Variants in RAB2A observed in about 807,000 individuals in gnomAD.
The protein encoded by RAB2A is RAB2A, member RAS oncogene family.
Under a neutral mutation model 32.5 loss-of-function variants are expected in RAB2A, and 7 were observed. That is an observed-to-expected ratio of 0.22 (90% CI 0.12 to 0.40). RAB2A has a LOEUF of 0.40. RAB2A is among the 10% of genes least tolerant of loss of function. The pLI is 1.00. For synonymous variants in RAB2A, 79 were observed against 85.2 expected (o/e 0.93, Z 0.40); for missense variants, 108 against 260.7 (o/e 0.41, Z 4.03).
intron 1 of RAB2A, among the ~76,000 whole-genome samples, chr8:60,520,580 T>C (rs1304429802): frequency 6.6e-6 from 1 of 152,242 alleles, no homozygotes; most frequent in Non-Finnish European, 1.5e-5. Context: ...CTTCTTGTTC[T>C]TCCCTATCAA....
In RAB2A at chr8:60,612,301, T is replaced by C. The variant is rs112336035; in HGVS notation, c.475-6279T>C. Among the ~76,000 whole-genome samples, 818 of 152,368 alleles carry C rather than the reference T, an allele frequency of 5.4e-3. 1 individual carries two copies. Among genetic ancestry groups the C allele is most frequent in the Admixed American group, 9.0e-3 (138 of 15,308 alleles). On this transcript the variant is annotated intron_variant, in intron 6 of 7. Coordinates refer to ENST00000262646, the MANE Select transcript of RAB2A (RefSeq NM_002865.3). ...CCTTTCTAATCAAATAGTTCTAGTT[T>C]CTTCCCCTCTTCAGTTTCCTGCTAA...
At chr8:60,591,817 C>T (rs778169475) in intron 5 of RAB2A, 41 bp from the exon 6 acceptor site, 1 of 1,269,204 alleles carries the variant, frequency 7.9e-7, no homozygotes, top group East Asian at 2.3e-5. Context: ...CTGTTTGTAC[C>T]ATGTTGATTA....
At chr8:60,598,431 C>CAATACAA (rs1804068024) in intron 6 of RAB2A, among the ~76,000 whole-genome samples, 1 of 151,732 alleles carries the variant, frequency 6.6e-6, no homozygotes, top group African/African-American at 2.4e-5. Flanking sequence ...AAACCAAAGA[C>CAATACAA]AATACAAAAA....
intron 6 of RAB2A, among the ~76,000 whole-genome samples, chr8:60,593,306 C>G (rs1803971218): frequency 6.6e-6 from 1 of 152,104 alleles, no homozygotes; most frequent in African/African-American, 2.4e-5. Flanking sequence ...GACCTTGGTG[C>G]CAGAGGAATG....
intron 1 of RAB2A, among the ~76,000 whole-genome samples, chr8:60,538,024 C>T (rs144677858): frequency 3.2e-4 from 48 of 152,240 alleles, no homozygotes; most frequent in African/African-American, 9.1e-4. Context: ...ACATTCTAGC[C>T]GTTTTCCACT....
In RAB2A at chr8:60,621,864, G is replaced by A. The variant is rs1157948730; in HGVS notation, c.*1095G>A. ...AGGGGATATGACAATAAATCTATCA[G>A]ATGGAAAATCCTGTTACAAAGTAGA... On this transcript the variant is annotated 3_prime_UTR_variant, in exon 8 of 8. Transcript: ENST00000262646. 6.6e-6 allele frequency: 1 copy of A among 152,154 alleles called. No homozygotes were observed. Among genetic ancestry groups the A allele is most frequent in the Non-Finnish European group, 1.5e-5 (1 of 68,020 alleles). The allele number at this position is 152,154 out of a possible 1,614,324, so 9.4% of individuals were successfully genotyped here.
At chr8:60,578,503 A>C (rs925245010) in intron 3 of RAB2A, among the ~76,000 whole-genome samples, 2 of 152,224 alleles carry the variant, frequency 1.3e-5, no homozygotes, top group African/African-American at 4.8e-5. Flanking sequence ...AAGCAGAGGC[A>C]CAAAAGCAGG....
intron 1 of RAB2A, among the ~76,000 whole-genome samples, chr8:60,517,483 C>T (rs978282504): frequency 1.3e-5 from 2 of 152,176 alleles, no homozygotes; most frequent in Non-Finnish European, 2.9e-5. Flanking sequence ...CAGCTGAGGG[C>T]CGTGGCAGCC....
chr8:60,619,741 A>G (rs1804500516), intron 7 of RAB2A, among the ~76,000 whole-genome samples: 1 of 152,228 alleles, frequency 6.6e-6, no homozygotes, highest in Non-Finnish European at 1.5e-5. Flanking sequence ...GGTTTCATAT[A>G]GTAGCTGACT....
intron 6 of RAB2A, among the ~76,000 whole-genome samples, chr8:60,614,253 A>G (rs1375670602): frequency 9.7e-6 from 1 of 102,810 alleles, no homozygotes; most frequent in Non-Finnish European, 2.2e-5. Flanking sequence ...GTTAGTGCAG[A>G]AAGTTTTTTT....
chr8:60,545,900 A>G (rs1048029847), intron 1 of RAB2A, among the ~76,000 whole-genome samples: 2 of 152,236 alleles, frequency 1.3e-5, no homozygotes, highest in African/African-American at 4.8e-5. Flanking sequence ...TATTCATTAA[A>G]TTATTAAATT....
chr8:60,517,077 G>C lies in RAB2A; in HGVS notation c.-131G>C, dbSNP rs1807216725. 4.3e-6 allele frequency: 4 copies of C among 940,224 alleles called. No homozygotes were observed. The highest frequency in any genetic ancestry group is 6.0e-6 in the Non-Finnish European group (4 of 669,584). 58.2% of individuals were successfully genotyped at this position (940,224 alleles called of 1,614,324 possible). A position where few individuals can be genotyped will look rare whatever the true frequency, so the allele number is the denominator to read the frequency against. ...TCCTCACAGCCCCTCACTCCCGGCGGCTGACAGCAGCAGCGGCGGCGGCGG... is the reference window on the plus strand; with the variant it reads ...TCCTCACAGCCCCTCACTCCCGGCGCCTGACAGCAGCAGCGGCGGCGGCGG... On this transcript the variant is annotated 5_prime_UTR_variant, in exon 1 of 8. Transcript: ENST00000262646.
At chr8:60,612,042 T>A (rs974917531) in intron 6 of RAB2A, among the ~76,000 whole-genome samples, 4 of 152,188 alleles carry the variant, frequency 2.6e-5, no homozygotes, top group African/African-American at 9.7e-5. Context: ...ACATGTGCCA[T>A]AGTGGTTTGC....
chr8:60,521,563 A>G (rs1807303147), intron 1 of RAB2A, among the ~76,000 whole-genome samples: 1 of 152,216 alleles, frequency 6.6e-6, no homozygotes, highest in Non-Finnish European at 1.5e-5. Flanking sequence ...CTTGCTGATC[A>G]TAATATAGTT....
At chr8:60,516,927 G>A (rs1267565502), upstream of RAB2A, 6 of 307,002 alleles carry the variant, frequency 2.0e-5, no homozygotes, top group Non-Finnish European at 3.6e-5. Flanking sequence ...CGGCGGCGCC[G>A]GCGGCCGCAG....
At chr8:60,557,245 G>C (rs1807952823) in intron 1 of RAB2A, among the ~76,000 whole-genome samples, 1 of 152,154 alleles carries the variant, frequency 6.6e-6, no homozygotes, top group African/African-American at 2.4e-5. Context: ...GCCGGGCATG[G>C]TAGCTCATGC....
intron 5 of RAB2A, among the ~76,000 whole-genome samples, chr8:60,590,329 A>G (rs1023588085): frequency 4.0e-5 from 6 of 151,770 alleles, no homozygotes; most frequent in South Asian, 2.1e-4. Context: ...TCATTGAGTC[A>G]TGACACAGTT....
At chr8:60,594,356 G>GA (rs1272086075) in intron 6 of RAB2A, among the ~76,000 whole-genome samples, 4 of 151,400 alleles carry the variant, frequency 2.6e-5, no homozygotes, top group South Asian at 2.1e-4. Context: ...GTGAAAGACA[G>GA]AAAAAAAAAT....
intron 2 of RAB2A, among the ~76,000 whole-genome samples, chr8:60,570,262 AC>A (rs1242347654): frequency 4.6e-5 from 7 of 152,008 alleles, no homozygotes; most frequent in Non-Finnish European, 7.4e-5. Context: ...TTAAAAGCCA[AC>A]CCATCCCTGA....
Sources: allele counts gnomAD v4.1 joint callset (sites outside exome capture counted in the v4.1 genomes callset), GRCh38; gene constraint gnomAD v4.1.1; transcripts MANE v1.5; gene names NCBI Gene and HGNC (gene_info 2026-07-23, HGNC 2026-07-21).